CSGALNACT1: variants seen among roughly 807,000 people sequenced by gnomAD.
CSGALNACT1 encodes beta4GalNAcT-1.
A neutral mutation model predicts 51.0 loss-of-function variants in CSGALNACT1; 52 were observed. That is an observed-to-expected ratio of 1.02 (90% confidence interval 0.82 to 1.29). The LOEUF is 1.29. CSGALNACT1 is among the 50% of genes most tolerant of loss of function. The pLI, the probability that CSGALNACT1 is intolerant of heterozygous loss-of-function variation, is 0.00. For missense variants in CSGALNACT1, 935 were observed against 679.2 expected (o/e 1.38, Z -4.19); for synonymous variants, 341 against 254.4 (o/e 1.34, Z -3.24).
intron 5 of CSGALNACT1, among the ~76,000 whole-genome samples, chr8:19,450,196 GA>G (rs2062896312): frequency 1.4e-5 from 1 of 73,734 alleles, no homozygotes; most frequent in African/African-American, 5.5e-5. Context: ...GGGAGAGGGG[GA>G]GGGGAGAAAG....
At chr8:19,697,034 G>A (rs1436000196) in intron 1 of CSGALNACT1, among the ~76,000 whole-genome samples, 1 of 152,194 alleles carries the variant, frequency 6.6e-6, no homozygotes, top group African/African-American at 2.4e-5. Flanking sequence ...CAGAGGGCCT[G>A]TGTGTGCCAT....
intron 3 of CSGALNACT1, among the ~76,000 whole-genome samples, chr8:19,569,578 G>A (rs1480301877): frequency 6.6e-6 from 1 of 152,052 alleles, no homozygotes; most frequent in Non-Finnish European, 1.5e-5. Context: ...CGAGTTGGTT[G>A]TTGACAATAC....
At chr8:19,516,374 G>A (rs191317421) in intron 3 of CSGALNACT1, among the ~76,000 whole-genome samples, 7 of 152,112 alleles carry the variant, frequency 4.6e-5, no homozygotes, top group Admixed American at 2.0e-4. Context: ...TGTTCAACCC[G>A]CTTCATAATC....
chr8:19,612,488 C>T (rs758063118), intron 1 of CSGALNACT1, among the ~76,000 whole-genome samples: 1 of 152,190 alleles, frequency 6.6e-6, no homozygotes, highest in South Asian at 2.1e-4. Context: ...TCAAGATCAT[C>T]TGTTCACAAG....
At chr8:19,503,571 T>G (rs1388527972) in intron 4 of CSGALNACT1, among the ~76,000 whole-genome samples, 1 of 150,062 alleles carries the variant, frequency 6.7e-6, no homozygotes, top group Non-Finnish European at 1.5e-5. Flanking sequence ...CAACCAGGAT[T>G]TTTTTTTTTA....
chr8:19,670,026 G>A (rs1379847476), intron 1 of CSGALNACT1, among the ~76,000 whole-genome samples: 1 of 151,942 alleles, frequency 6.6e-6, no homozygotes, highest in Non-Finnish European at 1.5e-5. Context: ...ATTATCCCAG[G>A]TCTACCTACT....
At position 19,408,689 on chromosome 8, in the gene CSGALNACT1, T is replaced by C. The variant is rs1390803081; in HGVS notation, c.1233A>G (p.Ile411Met). 3.1e-6 allele frequency: 5 copies of C among 1,613,888 alleles called. No homozygotes were observed. Among genetic ancestry groups the C allele is most frequent in the Admixed American group, 1.7e-5 (1 of 59,994 alleles). The change falls in exon 9 of 10, where the codon ATA (isoleucine) becomes ATG (methionine). Residue 411 changes from isoleucine (I) to methionine (M), a missense_variant. Ile to Met is a conservative substitution (Grantham distance 10). Coordinates refer to ENST00000454498, the Ensembl canonical transcript of CSGALNACT1. ...CTCTCCAAAATCCAGTTTCCTTCTT[T>C]ATGACCTGCAAGAAAAGCACTGTCA... is the stretch of plus-strand genomic sequence containing the variant.
At chr8:19,682,994 G>T (rs1350247069), upstream of CSGALNACT1, 1 of 283,178 alleles carries the variant, frequency 3.5e-6, no homozygotes, top group Admixed American at 4.4e-5. Flanking sequence ...GGTAGAACGA[G>T]TTCACCCTGA....
At chr8:19,588,609 C>T (rs1450876701) in intron 3 of CSGALNACT1, among the ~76,000 whole-genome samples, 1 of 152,226 alleles carries the variant, frequency 6.6e-6, no homozygotes, top group East Asian at 1.9e-4. Context: ...GCTGGAAATA[C>T]AGCAGTGAAC....
At chr8:19,602,092 G>C in exon 1 of CSGALNACT1, 2 of 192,586 alleles carry the variant, frequency 1.0e-5, no homozygotes, top group Non-Finnish European at 2.2e-5. Flanking sequence ...TGATAACCAT[G>C]TCTAAAGGTG....
chr8:19,537,822 G>C (rs2084107656), intron 3 of CSGALNACT1, among the ~76,000 whole-genome samples: 1 of 152,184 alleles, frequency 6.6e-6, no homozygotes, highest in African/African-American at 2.4e-5. Flanking sequence ...CAAAATCTTT[G>C]AGATCTAAGA....
intron 7 of CSGALNACT1, 149 bp downstream of exon 6, chr8:19,420,191 A>G (rs2153696240): frequency 8.1e-6 from 6 of 743,124 alleles, no homozygotes; most frequent in South Asian, 7.6e-5. Flanking sequence ...AGAACAGACT[A>G]ATACAGATGG....
intron 3 of CSGALNACT1, among the ~76,000 whole-genome samples, chr8:19,569,551 A>C (rs181979664): frequency 2.1e-4 from 32 of 152,280 alleles, no homozygotes; most frequent in African/African-American, 7.2e-4. Context: ...TAGAGCTAGC[A>C]CTTTTTTTTA....
intron 1 of CSGALNACT1, among the ~76,000 whole-genome samples, chr8:19,611,012 G>A (rs2052181912): frequency 6.6e-6 from 1 of 152,190 alleles, no homozygotes; most frequent in African/African-American, 2.4e-5. Context: ...TTTGAGCAGC[G>A]GGGCACTGAA....
chr8:19,570,658 T>C (rs2042828967), intron 3 of CSGALNACT1, among the ~76,000 whole-genome samples: 2 of 152,064 alleles, frequency 1.3e-5, no homozygotes, highest in Admixed American at 1.3e-4. Context: ...TGCCAGCACT[T>C]TGGGAGGCCG....
Position 19,543,139 on chromosome 8 carries a change from A to G in CSGALNACT1, c.-296-37009T>C, listed in dbSNP as rs146759458. 3.8e-3 allele frequency among the ~76,000 whole-genome samples: 584 copies of G among 152,334 alleles called. 3 individuals carry two copies. Among genetic ancestry groups the G allele is most frequent in the African/African-American group, 0.013 (547 of 41,580 alleles). The stretch of plus-strand genomic sequence containing the variant: ...TCACGGAGTTTTCAAAACTAGATGT[A>G]TATTATATACAGAATCCCCAGATAC... On this transcript the variant is annotated intron_variant, in intron 3 of 9. Transcript: ENST00000454498.
chr8:19,431,806 C>A (rs2059689771), intron 6 of CSGALNACT1, among the ~76,000 whole-genome samples: 1 of 112,426 alleles, frequency 8.9e-6, no homozygotes, highest in African/African-American at 2.8e-5. Context: ...GTGGAAAGTT[C>A]TTTTTTCTTT....
chr8:19,666,646 C>T (rs963265617), intron 1 of CSGALNACT1, among the ~76,000 whole-genome samples: 3 of 150,360 alleles, frequency 2.0e-5, no homozygotes, highest in African/African-American at 4.9e-5. Context: ...TACAGTGAGC[C>T]GATATTGTGC....
chr8:19,674,808 T>C (rs2060053275), intron 1 of CSGALNACT1, among the ~76,000 whole-genome samples: 1 of 151,754 alleles, frequency 6.6e-6, no homozygotes, highest in African/African-American at 2.4e-5. Context: ...CGCGAAGAAG[T>C]TGTCTGGTTG....
Sources: gnomAD v4.1 joint callset for allele counts (sites outside exome capture counted in the v4.1 genomes callset) on GRCh38, gnomAD v4.1.1 for gene constraint, MANE v1.5 for transcripts, NCBI Gene and HGNC (gene_info 2026-07-23, HGNC 2026-07-21) for gene names.